DNMT3A: variants seen among roughly 807,000 people sequenced by gnomAD.
DNMT3A encodes the protein DNA (cytosine-5)-methyltransferase 3A.
A neutral mutation model predicts 117.6 loss-of-function variants in DNMT3A; 267 were observed. The ratio of observed to expected loss-of-function variants is 2.27; its 90% CI spans 2.05 to 2.51. DNMT3A has a LOEUF of 2.51. Among genes scored for constraint, DNMT3A ranks in the 30% most tolerant of loss-of-function variants. DNMT3A has a pLI of 0.00. For synonymous variants in DNMT3A, 432 were observed against 474.8 expected, an observed-to-expected ratio of 0.91 and a Z score of 1.17; for missense variants, 1,029 against 1,260.2, an observed-to-expected ratio of 0.82 and a Z score of 2.78.
At chr2:25,258,301 TC>T (rs1220253277) in intron 6 of DNMT3A, among the ~76,000 whole-genome samples, 2 of 152,148 alleles carry the variant, frequency 1.3e-5, no homozygotes, top group Non-Finnish European at 2.9e-5. Context: ...CAGAACCTCC[TC>T]CCTGAGTCTG....
At chr2:25,287,801 T>TA (rs2032428270) in intron 3 of DNMT3A, among the ~76,000 whole-genome samples, 1 of 148,228 alleles carries the variant, frequency 6.7e-6, no homozygotes, top group Non-Finnish European at 1.5e-5. Context: ...GGGCTGAGGG[T>TA]AGGGGCAAGG....
chr2:25,338,156 G>A (rs2035281217), intron 1 of DNMT3A, among the ~76,000 whole-genome samples: 1 of 152,158 alleles, frequency 6.6e-6, no homozygotes, highest in Non-Finnish European at 1.5e-5. Flanking sequence ...GCATGTGACT[G>A]GCACGTGAAT....
intron 1 of DNMT3A, among the ~76,000 whole-genome samples, chr2:25,332,878 C>G (rs1446583598): frequency 1.3e-5 from 2 of 152,250 alleles, no homozygotes; most frequent in Non-Finnish European, 2.9e-5. Flanking sequence ...AGCTGCCAGG[C>G]CGGGCTGTGG....
chr2:25,237,030 A>G lies in DNMT3A; in HGVS notation c.2409-25T>C, dbSNP rs918501371. ...CCTAGGAGGCAGAAGAGAGACTGTAACAACAGAAACCTGGATAACAGCGGG... is the reference window on the plus strand; with the variant it reads ...CCTAGGAGGCAGAAGAGAGACTGTAGCAACAGAAACCTGGATAACAGCGGG... On this transcript the variant is annotated intron_variant, in intron 20 of 22. Transcript: ENST00000321117. The surrounding 1 kb of genome is among the most constrained non-coding windows in gnomAD (Gnocchi z 5.4). 6.2e-7 allele frequency: 1 copy of G among 1,612,396 alleles called. No homozygotes were observed. The highest frequency in any genetic ancestry group is 8.5e-7 in the Non-Finnish European group (1 of 1,179,410).
At position 25,314,022 on chromosome 2, in the gene DNMT3A, G is replaced by A. The variant is rs763223656; in HGVS notation, c.-38C>T. ...AGGCAGGCTGGGGCTGCGCGGGGCT[G>A]GGGGGCTGCTGGGCTTTGGGGAAGG... On this transcript the variant is annotated 5_prime_UTR_variant, in exon 2 of 23. Transcript: ENST00000321117. 15 of 1,502,996 alleles carry A rather than the reference G, an allele frequency of 1.0e-5. No individual in the cohort carries two copies. Among genetic ancestry groups the A allele is most frequent in the South Asian group, 5.1e-5 (4 of 77,802 alleles). The allele number at this position is 1,502,996 out of a possible 1,614,324, so 93.1% of individuals were successfully genotyped here.
Position 25,296,245 on chromosome 2 carries a change from G to A in DNMT3A, c.177+3894C>T, listed in dbSNP as rs2033081856. Among the ~76,000 whole-genome samples, 1 of 152,176 alleles carries A rather than the reference G, an allele frequency of 6.6e-6. No individual in the cohort carries two copies. The highest frequency in any genetic ancestry group is 1.5e-5 in the Non-Finnish European group (1 of 68,028). On this transcript the variant is annotated intron_variant, in intron 3 of 22. Coordinates refer to ENST00000321117, the MANE Select transcript of DNMT3A (RefSeq NM_022552.5). This position sits in a 1 kb window ranked among gnomAD's most constrained non-coding sequence, Gnocchi z 4.2. ...AGTTGGAGAAGGGAAAGGCCAGTGT[G>A]GGTCACAGTGGCTGAACTGGGCTTC...
chr2:25,244,561 CA>C lies in DNMT3A; in HGVS notation c.1645del (p.Cys549AlafsTer102). The C allele has an allele frequency of 6.2e-7, 1 of 1,614,196 alleles. No individual in the cohort carries two copies. The highest frequency in any genetic ancestry group is 8.5e-7 in the Non-Finnish European group (1 of 1,180,026). ...TCACCTGCAGCAGTTGTTGTTTCCGCACATGAGCACCTCACGGCCCCCACAG... is the reference window on the plus strand; with the variant it reads ...TCACCTGCAGCAGTTGTTGTTTCCGCCATGAGCACCTCACGGCCCCCACAG... Reference protein sequence around the residue: ...ICCGGREVLMCGNNNCCRCFC... With the variant: ...ICCGGREVLMXGNNNCCRCFC... On this transcript the variant is annotated frameshift_variant, in exon 14 of 23. Coordinates refer to ENST00000321117, the MANE Select transcript of DNMT3A (RefSeq NM_022552.5). LOFTEE classifies it high-confidence loss of function.
At chr2:25,249,909 C>T (rs749637567) in intron 6 of DNMT3A, among the ~76,000 whole-genome samples, 1 of 152,138 alleles carries the variant, frequency 6.6e-6, no homozygotes, top group South Asian at 2.1e-4. Context: ...CCTAGAGCTG[C>T]GAATGCAAAC....
chr2:25,282,525 C>A lies in DNMT3A; in HGVS notation c.364G>T (p.Ala122Ser), dbSNP rs2149378900. The A allele has an allele frequency of 1.2e-6, 2 of 1,613,448 alleles. No individual in the cohort carries two copies. The highest frequency in any genetic ancestry group is 1.7e-6 in the Non-Finnish European group (2 of 1,179,934). Residue 122 changes from alanine (A) to serine (S), a missense_variant, in exon 4 of 23, where the codon GCT (alanine) becomes TCT (serine). Coordinates refer to ENST00000321117, the MANE Select transcript of DNMT3A (RefSeq NM_022552.5). The surrounding 1 kb of genome is among the most constrained non-coding windows in gnomAD (Gnocchi z 5.2). ...GGAPAEGEGA[A>S]ETLPEASRAV... ...CTTGAGGCTTCAGGCAGGGTCTCAG[C>A]TGCACCCTCTCCCTCTGCTGGGGCC...
chr2:25,241,534 C>T (rs1390834120), intron 17 of DNMT3A, 28 bp downstream of exon 17: 6 of 1,595,628 alleles, frequency 3.8e-6, no homozygotes, highest in South Asian at 1.1e-5. Flanking sequence ...GAGGGGAAGA[C>T]GGGCTGCGCC....
intron 6 of DNMT3A, among the ~76,000 whole-genome samples, chr2:25,265,818 C>CAAAA (rs35556148): frequency 8.0e-6 from 1 of 125,424 alleles, no homozygotes; most frequent in Non-Finnish European, 1.7e-5. Flanking sequence ...GACTCCATCT[C>CAAAA]AAAAAAAAAA....
rs552697069 is a variant in DNMT3A at position 25,327,310 on chromosome 2, G to A, written c.-177-13149C>T. Among the ~76,000 whole-genome samples the A allele has an allele frequency of 6.6e-5, 10 of 152,170 alleles. No individual in the cohort carries two copies. Among genetic ancestry groups the A allele is most frequent in the East Asian group, 5.8e-4 (3 of 5,188 alleles). ...TGGACCCTGACTGATACAGTCACCC[G>A]CGGCCCCAAAGGGCTTTTTTCCATC... On this transcript the variant is annotated intron_variant, in intron 1 of 22. Transcript: ENST00000321117. This position sits in a 1 kb window ranked among gnomAD's most constrained non-coding sequence, Gnocchi z 4.1.
In DNMT3A at chr2:25,327,627, T is replaced by C. The variant is rs916238850; in HGVS notation, c.-177-13466A>G. ...CACGGTGGGTGCTCCTCAAAGGTCA[T>C]GTTCTACCTTCAGCTTCTCTCTAAA... is the stretch of plus-strand genomic sequence containing the variant. On this transcript the variant is annotated intron_variant, in intron 1 of 22. Transcript: ENST00000321117. The surrounding 1 kb of genome is among the most constrained non-coding windows in gnomAD (Gnocchi z 4.1). Among the ~76,000 whole-genome samples, 3 of 152,160 alleles carry C rather than the reference T, an allele frequency of 2.0e-5. No homozygotes were observed. The highest frequency in any genetic ancestry group is 2.9e-5 in the Non-Finnish European group (2 of 68,026).
chr2:25,243,658 T>C (rs553261522), intron 16 of DNMT3A, among the ~76,000 whole-genome samples: 99 of 152,386 alleles, frequency 6.5e-4, no homozygotes, highest in African/African-American at 2.3e-3. Flanking sequence ...TGAATCTTCC[T>C]TACTAAGGAA....
At chr2:25,316,096 A>C (rs535872874) in intron 1 of DNMT3A, among the ~76,000 whole-genome samples, 94 of 152,330 alleles carry the variant, frequency 6.2e-4, no homozygotes, top group Non-Finnish European at 1.0e-3. Flanking sequence ...CACAGTGGAC[A>C]CACAAGGGGC....
chr2:25,307,266 G>GGTACCA (rs1314838032), intron 2 of DNMT3A, among the ~76,000 whole-genome samples: 1 of 152,156 alleles, frequency 6.6e-6, no homozygotes, highest in East Asian at 1.9e-4. Flanking sequence ...GCCAAGCCCA[G>GGTACCA]GTACCAGAGA....
rs2029973596 is a variant in DNMT3A, at chr2:25,264,134, T to TTTTTTTTTTTTTTG, written c.639+10806_639+10807insCAAAAAAAAAAAAA. 1.7e-5 allele frequency among the ~76,000 whole-genome samples: 2 copies of TTTTTTTTTTTTTTG among 119,850 alleles called. 1 individual carries two copies. The highest frequency in any genetic ancestry group is 6.4e-4 in the South Asian group (2 of 3,146). The allele number at this position is 119,850 out of a possible 152,430, so 78.6% of individuals were successfully genotyped here. A position where few individuals can be genotyped will look rare whatever the true frequency, so the allele number is the denominator to read the frequency against. On this transcript the variant is annotated intron_variant, in intron 6 of 22. Transcript: ENST00000321117. The stretch of plus-strand genomic sequence containing the variant: ...AGTAAAGGCTGGACAACCCTTTGGT[T>TTTTTTTTTTTTTTG]TTTTTTTTTTTTTTTTTTTTTTTGA...
intron 1 of DNMT3A, among the ~76,000 whole-genome samples, chr2:25,317,047 AAT>A (rs1339125223): frequency 1.3e-5 from 2 of 152,180 alleles, no homozygotes; most frequent in African/African-American, 4.8e-5. Flanking sequence ...AACTCAATGC[AAT>A]AGAAACATTT....
In DNMT3A at chr2:25,232,773, A is replaced by AAAAC. The variant is rs1672937912; in HGVS notation, c.*1502_*1505dup. The AAAAC allele has an allele frequency of 5.1e-6, 1 of 194,188 alleles. No individual in the cohort carries two copies. Among genetic ancestry groups the AAAAC allele is most frequent in the South Asian group, 1.9e-4 (1 of 5,176 alleles). 12.0% of individuals were successfully genotyped at this position (194,188 alleles called of 1,614,324 possible). A position where few individuals can be genotyped will look rare whatever the true frequency, so the allele number is the denominator to read the frequency against. On this transcript the variant is annotated 3_prime_UTR_variant, in exon 23 of 23. Coordinates refer to ENST00000321117, the MANE Select transcript of DNMT3A (RefSeq NM_022552.5). The surrounding 1 kb of genome is among the most constrained non-coding windows in gnomAD (Gnocchi z 4.1). ...TTTTTGTTTTCTTAAAGAAAATCTTAAAACAAACATAATTATAACCAGAAC... is the reference window on the plus strand; with the variant it reads ...TTTTTGTTTTCTTAAAGAAAATCTTAAAACAAACAAACATAATTATAACCAGAAC...
Sources: gnomAD v4.1 joint callset for allele counts (sites outside exome capture counted in the v4.1 genomes callset) on GRCh38, gnomAD v4.1.1 for gene constraint, Gnocchi (gnomAD v3.1) non-coding constraint, MANE v1.5 for transcripts, NCBI Gene and HGNC (gene_info 2026-07-23, HGNC 2026-07-21) for gene names.